The following NUTM2G variants were observed in gnomAD, a reference collection of about 807,000 sequenced individuals.
NUTM2G encodes NUT family member 2G.
Under a neutral mutation model 44.3 loss-of-function variants are expected in NUTM2G, and 29 were observed. The ratio of observed to expected loss-of-function variants is 0.66; its 90% CI spans 0.49 to 0.89. The LOEUF (loss-of-function observed/expected upper bound fraction) is 0.89. Ranked by LOEUF, NUTM2G falls within the 40% of genes least tolerant of loss-of-function variation. The probability of loss-of-function intolerance (pLI) is 0.00; values close to 1 mark genes in which losing one functional copy is unlikely to be tolerated. For synonymous variants in NUTM2G, 205 were observed against 395.9 expected (o/e 0.52, Z 5.72); for missense variants, 502 against 946.5 (o/e 0.53, Z 6.16).
At position 96,937,173 on chromosome 9, in the gene NUTM2G, G is replaced by A. The variant is rs779124673; in HGVS notation, c.1092G>A (p.Pro364=). Residue 364 remains proline, a synonymous_variant, in exon 5 of 7, where the codon CCG becomes CCA. Coordinates refer to ENST00000372322, the MANE Select transcript of NUTM2G (RefSeq NM_001170741.3). ...TKAHLPPPRP[P]RPAETKVPEE... ...CCCACCTGCCACCACCCAGGCCCCC[G>A]AGGCCAGCAGAGACCAAGGTCCCTG... The A allele has an allele frequency of 6.3e-5, 102 of 1,612,470 alleles. No homozygotes were observed. The highest frequency in any genetic ancestry group is 8.1e-5 in the Non-Finnish European group (95 of 1,179,880).
At chr9:96,934,516 G>A (rs1241979465) in intron 2 of NUTM2G, among the ~76,000 whole-genome samples, 1 of 151,960 alleles carries the variant, frequency 6.6e-6, no homozygotes. Flanking sequence ...TGGGAATGTG[G>A]GAAGCTGTGC....
In NUTM2G at chr9:96,935,291, GGGCTTACAGACTGGGACTGACTGCACT is replaced by G. The variant is rs1826390868; in HGVS notation, c.714-34_714-8del. The G allele has an allele frequency of 6.2e-7, 1 of 1,611,650 alleles. No individual in the cohort carries two copies. The highest frequency in any genetic ancestry group is 8.5e-7 in the Non-Finnish European group (1 of 1,179,624). On this transcript the variant is annotated splice_polypyrimidine_tract_variant and intron_variant, in intron 2 of 6. Transcript: ENST00000372322. ...ACCAGGTGGGCCCGGGATGGAGGGTGGGCTTACAGACTGGGACTGACTGCACTGGTTTACAGCCCAGTTCTCCGATCC... is the reference window on the plus strand; with the variant it reads ...ACCAGGTGGGCCCGGGATGGAGGGTGGGTTTACAGCCCAGTTCTCCGATCC...
chr9:96,931,928 G>A lies in NUTM2G; in HGVS notation c.223G>A (p.Gly75Arg). Residue 75 changes from glycine to arginine, a missense_variant, in exon 2 of 7, where the codon GGG (glycine) becomes AGG (arginine). Transcript: ENST00000372322. ...AGGACAGGATGGCCGCGGCCCAAGT[G>A]GGGCTGGGGCTTCCAACGTCTTTGT... ...VAGQDGRGPS[G>R]AGASNVFVQM... 1 of 1,612,036 alleles carries A rather than the reference G, an allele frequency of 6.2e-7. No individual in the cohort carries two copies. The highest frequency in any genetic ancestry group is 8.5e-7 in the Non-Finnish European group (1 of 1,179,798).
chr9:96,940,128 A>G (rs1826558766), downstream of NUTM2G: 1 of 135,676 alleles, frequency 7.4e-6, no homozygotes, highest in Non-Finnish European at 1.5e-5. Flanking sequence ...AACGGGAACA[A>G]GCATGACCAG....
At chr9:96,942,148 ACT>A (rs1826605688), downstream of NUTM2G, among the ~76,000 whole-genome samples, 1 of 150,712 alleles carries the variant, frequency 6.6e-6, no homozygotes, top group South Asian at 2.1e-4. Context: ...CTCCTGAGAA[ACT>A]CCATCTGACA....
At chr9:96,932,769 C>T (rs1159434629) in intron 2 of NUTM2G, among the ~76,000 whole-genome samples, 2 of 151,652 alleles carry the variant, frequency 1.3e-5, no homozygotes, top group Non-Finnish European at 1.5e-5. Context: ...TCTGCTGCCT[C>T]AGCTTCCTGA....
intron 1 of NUTM2G, among the ~76,000 whole-genome samples, chr9:96,930,542 A>AG (rs1367736900): frequency 2.0e-5 from 3 of 148,356 alleles, no homozygotes; most frequent in Admixed American, 2.0e-4. Flanking sequence ...AAAAAAAGAA[A>AG]AAAAAGAAAA....
At chr9:96,929,518 G>T (rs1310540242) in intron 1 of NUTM2G, among the ~76,000 whole-genome samples, 3 of 151,684 alleles carry the variant, frequency 2.0e-5, no homozygotes, top group African/African-American at 7.3e-5. Context: ...CTGTTGGGTG[G>T]GTTGGCTGTG....
chr9:96,932,540 G>C, intron 2 of NUTM2G, 122 bp downstream of exon 2: 1 of 1,318,178 alleles, frequency 7.6e-7, no homozygotes, highest in Non-Finnish European at 1.1e-6. Context: ...GATGGGTTGT[G>C]CTATGGGAAG....
chr9:96,936,733 G>T (rs1222259213), intron 4 of NUTM2G, among the ~76,000 whole-genome samples, 169 bp downstream of exon 4: 100 of 152,186 alleles, frequency 6.6e-4, no homozygotes, highest in Admixed American at 2.2e-3. Context: ...CCTACTTCAT[G>T]GGTGGCCCGT....
In NUTM2G at chr9:96,934,741, C is replaced by T. The variant is rs565941704; in HGVS notation, c.714-587C>T. Reference sequence around the variant, plus strand: ...TGTGTGCATGGTGTCTCAGTCAGCTCAGGCTCTGCCGTAACGAATCCCATA... The same window carrying T: ...TGTGTGCATGGTGTCTCAGTCAGCTTAGGCTCTGCCGTAACGAATCCCATA... On this transcript the variant is annotated intron_variant, in intron 2 of 6. Transcript: ENST00000372322. Among the ~76,000 whole-genome samples, 181 of 152,074 alleles carry T rather than the reference C, an allele frequency of 1.2e-3. 1 individual carries two copies. The highest frequency in any genetic ancestry group is 4.1e-3 in the African/African-American group (170 of 41,452).
In NUTM2G at chr9:96,937,310, T is replaced by C. The variant is rs759265326; in HGVS notation, c.1229T>C (p.Val410Ala). The C allele has an allele frequency of 6.2e-7, 1 of 1,613,848 alleles. No individual in the cohort carries two copies. Among genetic ancestry groups the C allele is most frequent in the Non-Finnish European group, 8.5e-7 (1 of 1,179,844 alleles). The change falls in exon 5 of 7, where the codon GTG (valine) becomes GCG (alanine). Residue 410 changes from valine to alanine, a missense_variant. Physicochemically the swap from Val to Ala is moderately conservative, Grantham distance 64. Transcript: ENST00000372322. ...EPEGQREKGK[V>A]EQPQEEDGMT... is the part of the protein sequence containing the mutation. ...GAGGGACAACGGGAAAAGGGCAAAG[T>C]GGAGCAGCCGCAGGAAGAGGACGGG...
intron 1 of NUTM2G, among the ~76,000 whole-genome samples, chr9:96,930,253 G>A (rs539288237): frequency 0.01 from 1,580 of 152,174 alleles, 3 homozygotes; most frequent in Non-Finnish European, 0.018. Flanking sequence ...GGCCGGGCGC[G>A]GTGGCTCACG....
chr9:96,929,377 C>T lies in NUTM2G; in HGVS notation c.16+337C>T, dbSNP rs553941395. Among the ~76,000 whole-genome samples, 43 of 151,840 alleles carry T rather than the reference C, an allele frequency of 2.8e-4. No homozygotes were observed. In the East Asian group the frequency reaches 7.9e-3, roughly 28 times the overall value. Reference sequence around the variant, plus strand: ...TGTGCTGGTGGCCCAGGGAGAATGACGGGCAAGCCTGAGCCCTGTGCCGTG... The same window carrying T: ...TGTGCTGGTGGCCCAGGGAGAATGATGGGCAAGCCTGAGCCCTGTGCCGTG... On this transcript the variant is annotated intron_variant, in intron 1 of 6. Transcript: ENST00000372322.
intron 2 of NUTM2G, among the ~76,000 whole-genome samples, chr9:96,933,196 T>C (rs1200752881): frequency 6.7e-6 from 1 of 150,350 alleles, no homozygotes; most frequent in South Asian, 2.1e-4. Context: ...GCCAGGATGC[T>C]CTCAATCTCC....
rs569757368 is a variant in NUTM2G at position 96,934,812 on chromosome 9, G to A, written c.714-516G>A. ...CACATTCATGTCTCCCAGTTCCAGA[G>A]GCCAGAAGTCCCAGATCAAGGTGAC... On this transcript the variant is annotated intron_variant, in intron 2 of 6. Coordinates refer to ENST00000372322, the MANE Select transcript of NUTM2G (RefSeq NM_001170741.3). Among the ~76,000 whole-genome samples, 3 of 152,290 alleles carry A rather than the reference G, an allele frequency of 2.0e-5. No homozygotes were observed. The South Asian group carries it at 6.2e-4, about 32-fold the overall frequency.
At position 96,931,737 on chromosome 9, in the gene NUTM2G, G is replaced by C; in HGVS notation, c.32G>C (p.Gly11Ala). The change falls in exon 2 of 7, where the codon GGA (glycine) becomes GCA (alanine). Residue 11 changes from glycine (G) to alanine (A), a missense_variant. Transcript: ENST00000372322. ...GTCTCCACAGCATACCCAGTGCTGG[G>C]ACCCGGCGTGACCGTGAACCCTGGC... The part of the protein sequence containing the change: MASNGAYPVL[G>A]PGVTVNPGTS... 1 of 1,611,496 alleles carries C rather than the reference G, an allele frequency of 6.2e-7. No individual in the cohort carries two copies. Among genetic ancestry groups the C allele is most frequent in the Non-Finnish European group, 8.5e-7 (1 of 1,179,822 alleles).
At chr9:96,935,824 G>A (rs139235296) in intron 3 of NUTM2G, among the ~76,000 whole-genome samples, 563 of 149,718 alleles carry the variant, frequency 3.8e-3, no homozygotes, top group African/African-American at 0.011. Context: ...AGCAGTGGCC[G>A]GAAGTCGGTT....
chr9:96,938,476 AAGC>A lies in NUTM2G; in HGVS notation c.1557_1559del (p.Ala520del), dbSNP rs1181682111. 1.3e-6 allele frequency: 2 copies of A among 1,578,372 alleles called. No individual in the cohort carries two copies. The highest frequency in any genetic ancestry group is 1.8e-5 in the Admixed American group (1 of 54,568). On this transcript the variant is annotated inframe_deletion, in exon 7 of 7. Coordinates refer to ENST00000372322, the MANE Select transcript of NUTM2G (RefSeq NM_001170741.3). ...CCTTCTGAGTTTGCAGCTGGCCAAGAAGCAGCGAGAGAGGTCCCTGACCCCCAA... is the reference window on the plus strand; with the variant it reads ...CCTTCTGAGTTTGCAGCTGGCCAAGAAGCGAGAGAGGTCCCTGACCCCCAA...
Sources: allele counts gnomAD v4.1 joint callset (sites outside exome capture counted in the v4.1 genomes callset), GRCh38; gene constraint gnomAD v4.1.1; transcripts MANE v1.5; gene names NCBI Gene and HGNC (gene_info 2026-07-23, HGNC 2026-07-21).